The following YBX1 variants were observed in gnomAD, a reference collection of about 807,000 sequenced individuals.
The protein encoded by YBX1 is Y-box binding protein 1, also known as Y-box-binding protein 1.
A neutral mutation model predicts 41.4 loss-of-function variants in YBX1; 3 were observed. The observed-to-expected ratio is 0.07, with a 90% confidence interval of 0.03 to 0.19. YBX1 has a LOEUF of 0.19. Ranked by LOEUF, YBX1 falls within the 10% of genes least tolerant of loss-of-function variation. The probability of loss-of-function intolerance (pLI) is 1.00; values close to 1 mark genes in which losing one functional copy is unlikely to be tolerated. For missense variants in YBX1, 274 were observed against 462.8 expected (o/e 0.59, Z 3.74); for synonymous variants, 133 against 165.8 (o/e 0.80, Z 1.52).
intron 2 of YBX1, among the ~76,000 whole-genome samples, chr1:42,686,397 G>C (rs1650198230): frequency 6.6e-6 from 1 of 152,160 alleles, no homozygotes; most frequent in Non-Finnish European, 1.5e-5. Flanking sequence ...ATATTTTTAA[G>C]ATCTGAACTT....
chr1:42,696,048 C>T lies in YBX1; in HGVS notation c.265-151C>T, dbSNP rs141293462. 155 of 559,296 alleles carry T rather than the reference C, an allele frequency of 2.8e-4. 1 individual carries two copies. The African/African-American group carries it at 2.9e-3, about 11-fold the overall frequency. 34.6% of individuals were successfully genotyped at this position (559,296 alleles called of 1,614,324 possible). A position where few individuals can be genotyped will look rare whatever the true frequency, so the allele number is the denominator to read the frequency against. ...TTGAAGTTGGGGATAGTGTGGTCCC[C>T]GCTTTCCTAAATTTATTGATGGTTT... On this transcript the variant is annotated intron_variant, in intron 3 of 7. Coordinates refer to ENST00000321358, the MANE Select transcript of YBX1 (RefSeq NM_004559.5). The surrounding 1 kb of genome is among the most constrained non-coding windows in gnomAD (Gnocchi z 5.7).
chr1:42,682,963 C>T (rs991079156), intron 1 of YBX1: 26 of 154,522 alleles, frequency 1.7e-4, no homozygotes, highest in Non-Finnish European at 2.5e-4. Context: ...CGCGCCCCTC[C>T]CCCTGCGGCC....
At chr1:42,701,517 C>T (rs930426372) in intron 7 of YBX1, among the ~76,000 whole-genome samples, 1 of 150,550 alleles carries the variant, frequency 6.6e-6, no homozygotes, top group Non-Finnish European at 1.5e-5. Context: ...ATCTTTTAAT[C>T]ATTTCTAATT....
chr1:42,683,993 T>G (rs995185252), intron 2 of YBX1, among the ~76,000 whole-genome samples: 3 of 152,244 alleles, frequency 2.0e-5, no homozygotes, highest in African/African-American at 7.2e-5. Context: ...TTAGCACAGC[T>G]TTGACCAGAG....
At chr1:42,691,869 TTA>T (rs202062275) in intron 2 of YBX1, among the ~76,000 whole-genome samples, 15 of 149,762 alleles carry the variant, frequency 1.0e-4, no homozygotes, top group Middle Eastern at 3.5e-3. Flanking sequence ...TTTTATTTTT[TTA>T]TTTTTTTTGA....
Position 42,696,464 on chromosome 1 carries a change from G to A in YBX1, c.354+176G>A, listed in dbSNP as rs1360534937. ...GAGGGCAATCTCTTCAGAACAGTGA[G>A]GAACTGATATTTAGTCATTTCTGTG... On this transcript the variant is annotated intron_variant, in intron 4 of 7. Transcript: ENST00000321358. This position sits in a 1 kb window ranked among gnomAD's most constrained non-coding sequence, Gnocchi z 5.7. 6.6e-6 allele frequency among the ~76,000 whole-genome samples: 1 copy of A among 151,428 alleles called. No individual in the cohort carries two copies. The highest frequency in any genetic ancestry group is 1.5e-5 in the Non-Finnish European group (1 of 67,922).
intron 2 of YBX1, among the ~76,000 whole-genome samples, chr1:42,692,827 C>T (rs1171194303): frequency 1.3e-5 from 2 of 152,254 alleles, no homozygotes; most frequent in African/African-American, 4.8e-5. Flanking sequence ...TCGCTTCTGA[C>T]ATCCAGTCAT....
chr1:42,689,202 A>G (rs563977495), intron 2 of YBX1, among the ~76,000 whole-genome samples: 2 of 152,332 alleles, frequency 1.3e-5, no homozygotes, highest in Non-Finnish European at 2.9e-5. Context: ...ATCATAGACA[A>G]TATGTGGGAA....
intron 7 of YBX1, among the ~76,000 whole-genome samples, chr1:42,701,477 CTGTT>C (rs1288229444): frequency 6.6e-6 from 1 of 150,982 alleles, no homozygotes; most frequent in Non-Finnish European, 1.5e-5. Context: ...CAAATAGAGT[CTGTT>C]TGGAGAAAGT....
chr1:42,703,312 G>A lies in YBX1; in HGVS notation c.*1363G>A, dbSNP rs16829887. ...TGTAGTTGATAGTGACTGCTGCCCC[G>A]AAACACTCCAGATCATCCTGGCCAG... On this transcript the variant is annotated 3_prime_UTR_variant, in exon 8 of 8. Coordinates refer to ENST00000321358, the MANE Select transcript of YBX1 (RefSeq NM_004559.5). 0.1 allele frequency among the ~76,000 whole-genome samples: 15,777 copies of A among 151,960 alleles called. 1,070 individuals are homozygous for A. The highest frequency in any genetic ancestry group is 0.29 in the East Asian group (1,497 of 5,130).
In YBX1 at chr1:42,682,447, C is replaced by CGGAGAGCG. The variant is rs1650051516; in HGVS notation, c.-117_-110dup. ...TCGCTAGTTCGATCGGTAGCGGGAG[C>CGGAGAGCG]GGAGAGCGGACCCCAGAGAGCCCTG... is the stretch of plus-strand genomic sequence containing the variant. On this transcript the variant is annotated 5_prime_UTR_variant, in exon 1 of 8. Coordinates refer to ENST00000321358, the MANE Select transcript of YBX1 (RefSeq NM_004559.5). 2.5e-6 allele frequency: 3 copies of CGGAGAGCG among 1,177,366 alleles called. No individual in the cohort carries two copies. The highest frequency in any genetic ancestry group is 3.3e-6 in the Non-Finnish European group (3 of 916,662). 72.9% of individuals were successfully genotyped at this position (1,177,366 alleles called of 1,614,324 possible).
At chr1:42,688,668 G>C (rs1307182432) in intron 2 of YBX1, among the ~76,000 whole-genome samples, 1 of 152,192 alleles carries the variant, frequency 6.6e-6, no homozygotes, top group African/African-American at 2.4e-5. Flanking sequence ...GTGCAATACT[G>C]TAAGTCTTCA....
chr1:42,683,245 C>A, intron 1 of YBX1, 158 bp from the exon 2 acceptor site: 1 of 827,706 alleles, frequency 1.2e-6, no homozygotes, highest in Non-Finnish European at 2.1e-6. Flanking sequence ...TGTGCGGCGG[C>A]GGCGGCGACT....
intron 2 of YBX1, among the ~76,000 whole-genome samples, chr1:42,690,154 A>C (rs1382167882): frequency 6.6e-6 from 1 of 152,118 alleles, no homozygotes; most frequent in African/African-American, 2.4e-5. Flanking sequence ...CAGAGGTTGC[A>C]GTGAGCCAAG....
At chr1:42,692,369 C>T (rs1176432314) in intron 2 of YBX1, among the ~76,000 whole-genome samples, 1 of 152,174 alleles carries the variant, frequency 6.6e-6, no homozygotes, top group Non-Finnish European at 1.5e-5. Flanking sequence ...CATCATTTCC[C>T]TAGGCAATCC....
intron 1 of YBX1, 55 bp downstream of exon 1, chr1:42,682,786 C>T (rs1318890709): frequency 2.6e-4 from 299 of 1,144,624 alleles, no homozygotes; most frequent in Non-Finnish European, 7.5e-5. Context: ...GCAGCGGAAC[C>T]GTTAGCCGGA....
intron 1 of YBX1, 107 bp from the exon 2 acceptor site, chr1:42,683,296 A>G: frequency 3.0e-6 from 4 of 1,312,678 alleles, no homozygotes; most frequent in Non-Finnish European, 4.4e-6. Context: ...AAGGGCTGTC[A>G]GGTGGCCGCG....
At chr1:42,690,223 A>T (rs1650296201) in intron 2 of YBX1, among the ~76,000 whole-genome samples, 2 of 151,072 alleles carry the variant, frequency 1.3e-5, no homozygotes, top group African/African-American at 4.9e-5. Context: ...AAAAAAATTG[A>T]GTACTGTTAT....
rs141672298 is a variant in YBX1 at position 42,697,308 on chromosome 1, G to A, written c.740+46G>A. 3.3e-5 allele frequency: 53 copies of A among 1,585,554 alleles called. No individual in the cohort carries two copies. The East Asian group carries it at 7.6e-4, about 23-fold the overall frequency. On this transcript the variant is annotated intron_variant, in intron 6 of 7. Coordinates refer to ENST00000321358, the MANE Select transcript of YBX1 (RefSeq NM_004559.5). ...TTTCTATTAAAATTTCCTCAAACCCGTGTTAGGACTCAGCAATATCATGCC... is the reference window on the plus strand; with the variant it reads ...TTTCTATTAAAATTTCCTCAAACCCATGTTAGGACTCAGCAATATCATGCC...
Sources: gnomAD v4.1 joint callset for allele counts (sites outside exome capture counted in the v4.1 genomes callset) on GRCh38, gnomAD v4.1.1 for gene constraint, Gnocchi (gnomAD v3.1) non-coding constraint, MANE v1.5 for transcripts, NCBI Gene and HGNC (gene_info 2026-07-23, HGNC 2026-07-21) for gene names.